PLEKHM3: variants seen among roughly 807,000 people sequenced by gnomAD.
The protein encoded by PLEKHM3 is pleckstrin homology domain containing M3, also known as pleckstrin homology domain-containing family M member 3.
A neutral mutation model predicts 81.8 loss-of-function variants in PLEKHM3; 45 were observed. The ratio of observed to expected loss-of-function variants is 0.55; its 90% CI spans 0.43 to 0.71. The LOEUF (loss-of-function observed/expected upper bound fraction) is 0.71, where lower values mean the gene tolerates loss of function less well. Ranked by LOEUF, PLEKHM3 falls within the 30% of genes least tolerant of loss-of-function variation. The pLI is 0.00. For synonymous variants in PLEKHM3, 352 were observed against 356.4 expected (o/e 0.99, Z 0.14); for missense variants, 788 against 924.3 (o/e 0.85, Z 1.91).
chr2:207,828,367 A>G lies in PLEKHM3; in HGVS notation c.2238T>C (p.Ser746=), dbSNP rs1186692107. The G allele has an allele frequency of 2.5e-6, 4 of 1,612,666 alleles. No individual in the cohort carries two copies. The South Asian group carries it at 4.4e-5, about 18-fold the overall frequency. The change falls in exon 8 of 8, where the codon AGT becomes AGC. Residue 746 remains serine (S), a synonymous_variant. Coordinates refer to ENST00000427836, the MANE Select transcript of PLEKHM3 (RefSeq NM_001080475.3). The stretch of plus-strand genomic sequence containing the variant: ...CGAACATGGTGCAAGCCTCCTCTAG[A>G]CTCTCGTCCATGTTCAGTCTCTGCC... ...SFWQRLNMDE[S]LEEACTMFEL...
At chr2:207,830,744 C>T (rs1339416728) in intron 7 of PLEKHM3, among the ~76,000 whole-genome samples, 1 of 119,476 alleles carries the variant, frequency 8.4e-6, no homozygotes, top group African/African-American at 3.2e-5. Flanking sequence ...GGGGAGCTTG[C>T]TCTCCCCAAC....
chr2:208,001,328 A>G lies in PLEKHM3; in HGVS notation c.312T>C (p.Asp104=), dbSNP rs377314305. 1.2e-6 allele frequency: 2 copies of G among 1,614,090 alleles called. No homozygotes were observed. The highest frequency in any genetic ancestry group is 2.2e-5 in the East Asian group (1 of 44,904). ...QFMVQRGTTP[D]NLSWMEQKEA... ...CCTTTTGTTCCATCCAGGAAAGATT[A>G]TCTGGGGTTGTCCCTCTCTGGACCA... Residue 104 remains aspartate (D), a synonymous_variant, in exon 2 of 8, where the codon GAT becomes GAC. Coordinates refer to ENST00000427836, the MANE Select transcript of PLEKHM3 (RefSeq NM_001080475.3).
intron 7 of PLEKHM3, among the ~76,000 whole-genome samples, chr2:207,850,597 A>G (rs556635849): frequency 6.6e-6 from 1 of 152,350 alleles, no homozygotes; most frequent in East Asian, 1.9e-4. Context: ...AAGGTTCAGA[A>G]ATAGCATCTC....
intron 2 of PLEKHM3, among the ~76,000 whole-genome samples, chr2:207,982,674 G>T (rs1691575943): frequency 6.6e-6 from 1 of 151,442 alleles, no homozygotes; most frequent in Admixed American, 6.6e-5. Flanking sequence ...CGCCTCCCAG[G>T]TTCAGGCAAT....
chr2:207,941,892 A>G (rs569638420), intron 4 of PLEKHM3, among the ~76,000 whole-genome samples: 56 of 152,234 alleles, frequency 3.7e-4, no homozygotes, highest in Non-Finnish European at 6.5e-4. Context: ...CATCAGGGAA[A>G]TGCAAATCAA....
intron 1 of PLEKHM3, among the ~76,000 whole-genome samples, chr2:208,022,760 C>A (rs1355778239): frequency 6.6e-6 from 1 of 152,162 alleles, no homozygotes; most frequent in Admixed American, 6.5e-5. Flanking sequence ...ATTAGACCCA[C>A]CCAGAAAATC....
At position 207,974,402 on chromosome 2, in the gene PLEKHM3, A is replaced by G. The variant is rs149885671; in HGVS notation, c.1546+2249T>C. Among the ~76,000 whole-genome samples, 3 of 152,336 alleles carry G rather than the reference A, an allele frequency of 2.0e-5. 1 individual carries two copies. In the East Asian group the frequency reaches 5.8e-4, roughly 29 times the overall value. ...CATGGGCAGTGCACACTCCATCAGA[A>G]GGCACACTTCTGAGAGGGAGGTGAA... On this transcript the variant is annotated intron_variant, in intron 3 of 7. Coordinates refer to ENST00000427836, the MANE Select transcript of PLEKHM3 (RefSeq NM_001080475.3).
At chr2:207,879,045 A>G (rs1409315349) in intron 6 of PLEKHM3, among the ~76,000 whole-genome samples, 2 of 152,116 alleles carry the variant, frequency 1.3e-5, no homozygotes, top group Non-Finnish European at 2.9e-5. Context: ...CTATTATGGT[A>G]ATAAGTACCA....
chr2:207,826,863 A>G lies in PLEKHM3; in HGVS notation c.*1456T>C, dbSNP rs921464803. 1 of 152,164 alleles carries G rather than the reference A, an allele frequency of 6.6e-6. No homozygotes were observed. The highest frequency in any genetic ancestry group is 2.4e-5 in the African/African-American group (1 of 41,412). 9.4% of individuals were successfully genotyped at this position (152,164 alleles called of 1,614,324 possible). A position where few individuals can be genotyped will look rare whatever the true frequency, so the allele number is the denominator to read the frequency against. ...TACTGAGAACTGTTCCATTATAAAC[A>G]TATTTTTCTTGCTCTAGGGAGAGTT... On this transcript the variant is annotated 3_prime_UTR_variant, in exon 8 of 8. Coordinates refer to ENST00000427836, the MANE Select transcript of PLEKHM3 (RefSeq NM_001080475.3).
At chr2:207,886,679 T>C (rs1470497714) in intron 6 of PLEKHM3, among the ~76,000 whole-genome samples, 1 of 152,182 alleles carries the variant, frequency 6.6e-6, no homozygotes, top group African/African-American at 2.4e-5. Context: ...AGCACCGGAA[T>C]GAAACTTTCT....
intron 3 of PLEKHM3, among the ~76,000 whole-genome samples, chr2:207,960,833 G>A (rs917772174): frequency 1.3e-5 from 2 of 152,114 alleles, no homozygotes. Context: ...TTTCCCAAAG[G>A]TTTTCCATCC....
At chr2:207,869,212 G>A (rs2105826109) in intron 6 of PLEKHM3, among the ~76,000 whole-genome samples, 1 of 152,252 alleles carries the variant, frequency 6.6e-6, no homozygotes, top group Admixed American at 6.5e-5. Flanking sequence ...GTTAAACCAG[G>A]CGGTCATTTG....
At chr2:207,835,008 C>A (rs2092310680) in intron 7 of PLEKHM3, among the ~76,000 whole-genome samples, 1 of 151,428 alleles carries the variant, frequency 6.6e-6, no homozygotes, top group Non-Finnish European at 1.5e-5. Context: ...TGGCATGATC[C>A]CAGCTCACTG....
chr2:207,881,998 G>A (rs2092594041), intron 6 of PLEKHM3, among the ~76,000 whole-genome samples: 1 of 152,274 alleles, frequency 6.6e-6, no homozygotes, highest in South Asian at 2.1e-4. Context: ...ACAACACAGG[G>A]CATCCTGGGG....
intron 5 of PLEKHM3, among the ~76,000 whole-genome samples, chr2:207,927,307 A>T (rs1689428660): frequency 6.6e-6 from 1 of 152,160 alleles, no homozygotes; most frequent in Non-Finnish European, 1.5e-5. Context: ...TTTGTTTTTA[A>T]GAAGTCAGAT....
chr2:207,914,907 C>T (rs772523110), intron 5 of PLEKHM3, among the ~76,000 whole-genome samples: 3 of 152,176 alleles, frequency 2.0e-5, no homozygotes, highest in Non-Finnish European at 4.4e-5. Context: ...GGCAGCATTT[C>T]TGCAGTGGGC....
intron 3 of PLEKHM3, among the ~76,000 whole-genome samples, chr2:207,974,831 GCTT>G (rs1488393133): frequency 3.3e-5 from 5 of 150,386 alleles, no homozygotes; most frequent in African/African-American, 9.9e-5. Flanking sequence ...AACTAGTAGA[GCTT>G]CTTTTTTTTT....
chr2:207,931,936 G>A (rs1446872822), intron 4 of PLEKHM3, among the ~76,000 whole-genome samples: 3 of 152,202 alleles, frequency 2.0e-5, no homozygotes, highest in African/African-American at 7.2e-5. Flanking sequence ...TCATGCCACT[G>A]CACTCCAGCC....
intron 5 of PLEKHM3, among the ~76,000 whole-genome samples, chr2:207,920,184 G>C (rs1340503039): frequency 6.6e-6 from 1 of 152,160 alleles, no homozygotes; most frequent in African/African-American, 2.4e-5. Flanking sequence ...AGCCTCTCAA[G>C]CCAAGCCATT....
Sources: allele counts gnomAD v4.1 joint callset (sites outside exome capture counted in the v4.1 genomes callset), GRCh38; gene constraint gnomAD v4.1.1; transcripts MANE v1.5; gene names NCBI Gene and HGNC (gene_info 2026-07-23, HGNC 2026-07-21).